Variants in SGSM1 observed in about 807,000 individuals in gnomAD.
SGSM1 encodes the protein RUN and TBC1 domain containing 2.
SGSM1 carries 73 observed loss-of-function variants against 133.8 expected under a neutral mutation model. That is an observed-to-expected ratio of 0.55 (90% CI 0.45 to 0.66). The LOEUF is 0.66. Ranked by LOEUF, SGSM1 falls within the 30% of genes least tolerant of loss-of-function variation. SGSM1 has a pLI of 0.00. For synonymous variants in SGSM1, 563 were observed against 573.0 expected (o/e 0.98, Z 0.25); for missense variants, 1,213 against 1,448.1 (o/e 0.84, Z 2.64).
At chr22:24,819,648 C>T (rs982333489) in intron 2 of SGSM1, among the ~76,000 whole-genome samples, 1 of 152,150 alleles carries the variant, frequency 6.6e-6, no homozygotes, top group Non-Finnish European at 1.5e-5. Context: ...TATTTATTAT[C>T]CCATTTTACA....
chr22:24,893,697 A>C, intron 17 of SGSM1, 84 bp downstream of exon 17: 1 of 1,364,698 alleles, frequency 7.3e-7, no homozygotes, highest in Non-Finnish European at 9.6e-7. Context: ...AGTGGTGAAG[A>C]CTGGGTGTCT....
chr22:24,907,304 T>C (rs1013874204), intron 21 of SGSM1, among the ~76,000 whole-genome samples: 1 of 139,880 alleles, frequency 7.1e-6, no homozygotes, highest in African/African-American at 2.6e-5. Flanking sequence ...AATAAATAAA[T>C]AAAAGAATAC....
chr22:24,891,602 T>C (rs1208468809), intron 16 of SGSM1, among the ~76,000 whole-genome samples: 1 of 152,076 alleles, frequency 6.6e-6, no homozygotes, highest in Non-Finnish European at 1.5e-5. Context: ...GGGGAGTCAG[T>C]AACTGACAAC....
chr22:24,893,343 A>G, intron 16 of SGSM1, 88 bp from the exon 17 acceptor site: 2 of 1,398,914 alleles, frequency 1.4e-6, no homozygotes, highest in Admixed American at 2.0e-5. Context: ...TGTTGGATGG[A>G]TCAGAGCCAC....
Position 24,806,262 on chromosome 22 carries a change from G to C in SGSM1, c.-64G>C. 7.3e-7 allele frequency: 1 copy of C among 1,367,858 alleles called. No individual in the cohort carries two copies. The highest frequency in any genetic ancestry group is 1.7e-5 in the South Asian group (1 of 58,302). 84.7% of individuals were successfully genotyped at this position (1,367,858 alleles called of 1,614,324 possible). On this transcript the variant is annotated 5_prime_UTR_variant, in exon 1 of 25. Coordinates refer to ENST00000400358, the MANE Select transcript of SGSM1 (RefSeq NM_001098497.3). ...CGGCTGCAGCAGCAGCGCCGCGGCC[G>C]GAGGAGCTACCGCCGCCACCGCCGC...
At chr22:24,829,448 A>G (rs183706094) in intron 2 of SGSM1, among the ~76,000 whole-genome samples, 1 of 152,330 alleles carries the variant, frequency 6.6e-6, no homozygotes, top group Admixed American at 6.5e-5. Context: ...GGATGATGAA[A>G]TAATCTGTAC....
chr22:24,811,046 G>T (rs5760679), intron 2 of SGSM1, among the ~76,000 whole-genome samples: 35,463 of 152,088 alleles, frequency 0.23, 5,157 homozygotes, highest in East Asian at 0.51. Context: ...CAGATAAACA[G>T]TGAGTAAGTT....
chr22:24,924,248 G>A lies in SGSM1; in HGVS notation c.3256G>A (p.Val1086Met). The change falls in exon 25 of 25, where the codon GTG becomes ATG. Residue 1086 changes from valine to methionine, a missense_variant. By Grantham distance (21) the Val-to-Met change is conservative. Transcript: ENST00000400358. ...LKLARDLVYK[V>M]QTLIENK is the part of the protein sequence containing the mutation. ...GCTGGCGCGGGACCTCGTGTACAAG[G>A]TGCAGACTCTGATTGAGAACAAGTG... 1 of 1,613,984 alleles carries A rather than the reference G, an allele frequency of 6.2e-7. No homozygotes were observed. The highest frequency in any genetic ancestry group is 8.5e-7 in the Non-Finnish European group (1 of 1,179,888).
rs1173121417 is a variant in SGSM1, at chr22:24,925,479, C to A, written c.*1205C>A. The stretch of plus-strand genomic sequence containing the variant: ...GATGCCAGAAGATACTTGTTTTCTT[C>A]TTTTCAAGAAAAGTATCTCCCCACA... On this transcript the variant is annotated 3_prime_UTR_variant, in exon 25 of 25. Transcript: ENST00000400358. The A allele has an allele frequency of 6.6e-6, 1 of 152,052 alleles. No individual in the cohort carries two copies. The highest frequency in any genetic ancestry group is 2.4e-5 in the African/African-American group (1 of 41,404). The allele number at this position is 152,052 out of a possible 1,614,324, so 9.4% of individuals were successfully genotyped here.
intron 3 of SGSM1, among the ~76,000 whole-genome samples, chr22:24,845,204 G>A (rs1398973675): frequency 6.6e-6 from 1 of 152,146 alleles, no homozygotes; most frequent in East Asian, 1.9e-4. Context: ...TCTTCCTGTA[G>A]GCACCATTCA....
chr22:24,921,123 G>A (rs544837828), intron 24 of SGSM1, among the ~76,000 whole-genome samples: 6 of 148,584 alleles, frequency 4.0e-5, no homozygotes, highest in South Asian at 2.1e-4. Flanking sequence ...TTTTTGAGAC[G>A]GAGTCTCACT....
Position 24,847,636 on chromosome 22 carries a change from G to A in SGSM1, c.142G>A (p.Ala48Thr). 6.2e-7 allele frequency: 1 copy of A among 1,613,132 alleles called. No individual in the cohort carries two copies. Among genetic ancestry groups the A allele is most frequent in the Non-Finnish European group, 8.5e-7 (1 of 1,179,606 alleles). ...DSSHIISFCA[A>T]VEACVLHGLR... ...TGCTGACTGCCATGTCCCTGCAGCG[G>A]CTGTGGAGGCCTGCGTTCTGCACGG... is the stretch of plus-strand genomic sequence containing the variant. Residue 48 changes from alanine to threonine, a missense_variant and splice_region_variant, in exon 4 of 25, where the codon GCT becomes ACT. By Grantham distance (58) the Ala-to-Thr change is moderately conservative. Transcript: ENST00000400358.
Position 24,901,894 on chromosome 22 carries a change from G to A in SGSM1, c.2672G>A (p.Cys891Tyr). The A allele has an allele frequency of 1.9e-6, 3 of 1,608,044 alleles. No homozygotes were observed. The highest frequency in any genetic ancestry group is 2.5e-6 in the Non-Finnish European group (3 of 1,177,408). Residue 891 changes from cysteine (C) to tyrosine (Y), a missense_variant, in exon 20 of 25, where the codon TGC becomes TAC. Cys to Tyr is a radical substitution (Grantham distance 194). Transcript: ENST00000400358. ...LHRIEKDVQR[C>Y]DRNYWYFTPA... ...CGCATCGAGAAGGATGTGCAGAGGT[G>A]CGACCGCAACTACTGGTACTTCACG...
intron 5 of SGSM1, 49 bp from the exon 6 acceptor site, chr22:24,854,947 G>T (rs755935002): frequency 1.5e-5 from 23 of 1,485,608 alleles, no homozygotes; most frequent in Non-Finnish European, 1.9e-5. Context: ...TGGATTGTGC[G>T]TCCTCTGCTG....
chr22:24,907,097 T>C (rs1933412256), intron 21 of SGSM1, among the ~76,000 whole-genome samples: 1 of 149,580 alleles, frequency 6.7e-6, no homozygotes, highest in Non-Finnish European at 1.5e-5. Context: ...CTGTCTCTAC[T>C]AAAAATACAA....
chr22:24,837,590 C>CCCCCCCG (rs56789530), intron 2 of SGSM1, among the ~76,000 whole-genome samples: 2 of 137,086 alleles, frequency 1.5e-5, no homozygotes, highest in African/African-American at 6.2e-5. Flanking sequence ...CCCCCCCCCC[C>CCCCCCCG]CTTTCCCAGT....
chr22:24,911,651 G>A (rs1601988252), intron 21 of SGSM1, among the ~76,000 whole-genome samples: 1 of 152,202 alleles, frequency 6.6e-6, no homozygotes, highest in South Asian at 2.1e-4. Flanking sequence ...TACCTCTGTG[G>A]TTTTCCTCTC....
chr22:24,816,440 G>A (rs1336787263), intron 2 of SGSM1, among the ~76,000 whole-genome samples: 1 of 132,956 alleles, frequency 7.5e-6, no homozygotes, highest in Admixed American at 8.1e-5. Context: ...TTTTGAGATG[G>A]TGTCTCGCTC....
intron 21 of SGSM1, among the ~76,000 whole-genome samples, chr22:24,912,318 G>A (rs910239773): frequency 1.3e-5 from 2 of 152,194 alleles, no homozygotes; most frequent in South Asian, 2.1e-4. Flanking sequence ...AGGAAACCAC[G>A]TGTGGGGTGC....
Sources: allele counts gnomAD v4.1 joint callset (sites outside exome capture counted in the v4.1 genomes callset), GRCh38; gene constraint gnomAD v4.1.1; transcripts MANE v1.5; gene names NCBI Gene and HGNC (gene_info 2026-07-23, HGNC 2026-07-21).